TIGAR: variants seen among roughly 807,000 people sequenced by gnomAD.
TIGAR encodes the protein fructose-2,6-bisphosphatase TIGAR.
TIGAR carries 7 observed loss-of-function variants against 17.9 expected under a neutral mutation model. That is an observed-to-expected ratio of 0.39 (90% CI 0.22 to 0.73). The LOEUF is 0.73. Ranked by LOEUF, TIGAR falls within the 30% of genes least tolerant of loss-of-function variation. The pLI is 0.42. For synonymous variants in TIGAR, 94 were observed against 108.6 expected (o/e 0.87, Z 0.84); for missense variants, 258 against 327.4 (o/e 0.79, Z 1.64).
chr12:4,351,150 A>G, intron 4 of TIGAR, 117 bp from the exon 5 acceptor site: 1 of 837,884 alleles, frequency 1.2e-6, no homozygotes, highest in Non-Finnish European at 1.9e-6. Flanking sequence ...AGAATCAATT[A>G]AGTGGAGGAG....
intron 4 of TIGAR, among the ~76,000 whole-genome samples, chr12:4,350,810 C>A (rs545285017): frequency 2.0e-5 from 3 of 151,578 alleles, no homozygotes; most frequent in African/African-American, 7.3e-5. Context: ...AGAAATAGAT[C>A]TCTCATGTTA....
chr12:4,346,697 A>G (rs779796730), intron 3 of TIGAR, among the ~76,000 whole-genome samples: 8 of 152,166 alleles, frequency 5.3e-5, no homozygotes, highest in Admixed American at 2.0e-4. Flanking sequence ...TGGCACATGT[A>G]TACATATGTA....
chr12:4,354,855 C>T lies in TIGAR; in HGVS notation c.*2164C>T, dbSNP rs1231962734. ...CAAGCAATTCTTGTGCCTCAGCCTC[C>T]TGAGTAGCTGGGACTACAGGCATGC... On this transcript the variant is annotated 3_prime_UTR_variant, in exon 6 of 6. Coordinates refer to ENST00000179259, the MANE Select transcript of TIGAR (RefSeq NM_020375.3). Among the ~76,000 whole-genome samples the T allele has an allele frequency of 6.7e-6, 1 of 150,340 alleles. No homozygotes were observed. The highest frequency in any genetic ancestry group is 2.5e-5 in the African/African-American group (1 of 40,780).
chr12:4,332,358 C>T (rs1864613410), intron 2 of TIGAR, among the ~76,000 whole-genome samples: 1 of 147,120 alleles, frequency 6.8e-6, no homozygotes, highest in Non-Finnish European at 1.5e-5. Context: ...TTTCTCATGT[C>T]TCAGCCTCCT....
chr12:4,343,584 G>C (rs535928560), intron 3 of TIGAR, among the ~76,000 whole-genome samples: 2 of 150,990 alleles, frequency 1.3e-5, no homozygotes, highest in African/African-American at 4.8e-5. Flanking sequence ...GAAACTCAAA[G>C]CCACTCAACT....
intron 1 of TIGAR, among the ~76,000 whole-genome samples, chr12:4,326,288 A>T (rs1383293431): frequency 2.6e-5 from 4 of 152,220 alleles, no homozygotes. Context: ...TGCTGCTATC[A>T]CAAGTCAGAC....
intron 3 of TIGAR, among the ~76,000 whole-genome samples, chr12:4,342,595 GA>G (rs1281627090): frequency 1.3e-5 from 2 of 152,160 alleles, no homozygotes; most frequent in Non-Finnish European, 2.9e-5. Flanking sequence ...CATTCTCAAA[GA>G]AAAGAATTTT....
intron 2 of TIGAR, among the ~76,000 whole-genome samples, chr12:4,336,038 C>T (rs1246049287): frequency 2.0e-5 from 3 of 152,168 alleles, no homozygotes; most frequent in Non-Finnish European, 4.4e-5. Flanking sequence ...TCCCTATTTG[C>T]TGATTTCAAT....
chr12:4,329,682 T>G (rs549505475), intron 1 of TIGAR, among the ~76,000 whole-genome samples: 3 of 152,132 alleles, frequency 2.0e-5, no homozygotes, highest in African/African-American at 7.2e-5. Flanking sequence ...TTCCCAGTAA[T>G]TGGGTTATTG....
At position 4,321,393 on chromosome 12, in the gene TIGAR, C is replaced by G. The variant is rs770463879; in HGVS notation, c.32+90C>G. On this transcript the variant is annotated intron_variant, in intron 1 of 5. Coordinates refer to ENST00000179259, the MANE Select transcript of TIGAR (RefSeq NM_020375.3). The surrounding 1 kb of genome is among the most constrained non-coding windows in gnomAD (Gnocchi z 5.2). ...GGGAAAACGGGTCCACCACCCTCTC[C>G]CCTCCCTGCTCGCTCCAGCCCGGGA... 13 of 1,561,592 alleles carry G rather than the reference C, an allele frequency of 8.3e-6. No individual in the cohort carries two copies. The East Asian group carries it at 3.0e-4, about 36-fold the overall frequency.
At chr12:4,334,651 A>C (rs991981299) in intron 2 of TIGAR, among the ~76,000 whole-genome samples, 1 of 152,198 alleles carries the variant, frequency 6.6e-6, no homozygotes, top group Non-Finnish European at 1.5e-5. Flanking sequence ...TCTGCTCCTC[A>C]TTTGTTTTCG....
chr12:4,338,098 G>T (rs1270354973), intron 3 of TIGAR, among the ~76,000 whole-genome samples: 1 of 151,950 alleles, frequency 6.6e-6, no homozygotes, highest in Non-Finnish European at 1.5e-5. Flanking sequence ...CCGTTGCATG[G>T]TTGGGCTACA....
At chr12:4,342,058 A>C (rs1367695906) in intron 3 of TIGAR, among the ~76,000 whole-genome samples, 1 of 152,234 alleles carries the variant, frequency 6.6e-6, no homozygotes, top group Non-Finnish European at 1.5e-5. Context: ...GATGGAGCTG[A>C]AAACCATGGC....
In TIGAR at chr12:4,343,750, A is replaced by G. The variant is rs569914307; in HGVS notation, c.193-6069A>G. The stretch of plus-strand genomic sequence containing the variant: ...AAGCAGTGTGTAGAGGGAAATTTAT[A>G]GCACTAAATGCTCACAGGAGAAAGC... On this transcript the variant is annotated intron_variant, in intron 3 of 5. Coordinates refer to ENST00000179259, the MANE Select transcript of TIGAR (RefSeq NM_020375.3). Among the ~76,000 whole-genome samples the G allele has an allele frequency of 1.9e-3, 287 of 152,350 alleles. 2 individuals are homozygous for G. The highest frequency in any genetic ancestry group is 6.5e-3 in the African/African-American group (270 of 41,582).
At chr12:4,324,730 TCCCG>T (rs1565445006) in intron 1 of TIGAR, 16 of 1,740 alleles carry the variant, frequency 9.2e-3, no homozygotes, top group South Asian at 0.045. Context: ...GCAGGACACG[TCCCG>T]TCCCGCAGCT....
At chr12:4,336,913 G>T in intron 2 of TIGAR, 126 bp from the exon 3 acceptor site, 1 of 1,122,542 alleles carries the variant, frequency 8.9e-7, no homozygotes, top group Non-Finnish European at 1.2e-6. Context: ...AAAGTTACGT[G>T]GAAGAGTACT....
At position 4,358,603 on chromosome 12, in the gene TIGAR, A is replaced by G. The variant is rs1019818653; in HGVS notation, c.*5912A>G. Among the ~76,000 whole-genome samples, 1 of 151,208 alleles carries G rather than the reference A, an allele frequency of 6.6e-6. No homozygotes were observed. Among genetic ancestry groups the G allele is most frequent in the African/African-American group, 2.5e-5 (1 of 40,730 alleles). ...CAATGTGTGTTTCCTGAGATCAACA[A>G]TGTTCTTATATATAACCCAGAATAA... is the stretch of plus-strand genomic sequence containing the variant. On this transcript the variant is annotated 3_prime_UTR_variant, in exon 6 of 6. Coordinates refer to ENST00000179259, the MANE Select transcript of TIGAR (RefSeq NM_020375.3).
rs146343780 is a variant in TIGAR, at chr12:4,344,987, A to G, written c.193-4832A>G. ...TACACCAATAACAAACAGCCAAATC[A>G]TGAGTGAACTCCCATTCACAATTGC... On this transcript the variant is annotated intron_variant, in intron 3 of 5. Transcript: ENST00000179259. Among the ~76,000 whole-genome samples the G allele has an allele frequency of 3.8e-3, 580 of 152,320 alleles. 4 individuals are homozygous for G. The highest frequency in any genetic ancestry group is 0.013 in the African/African-American group (560 of 41,572).
Position 4,321,275 on chromosome 12 carries a change from G to T in TIGAR, c.4G>T (p.Ala2Ser), listed in dbSNP as rs921746520. 1.2e-6 allele frequency: 2 copies of T among 1,601,118 alleles called. No homozygotes were observed. The highest frequency in any genetic ancestry group is 1.3e-5 in the African/African-American group (1 of 75,056). Reference protein sequence around the residue: MARFALTVVRHG... With the variant: MSRFALTVVRHG... Reference sequence around the variant, plus strand: ...GACGGGACGCGGCTCCGGGAACATGGCTCGCTTCGCTCTGACTGTTGTCCG... The same window carrying T: ...GACGGGACGCGGCTCCGGGAACATGTCTCGCTTCGCTCTGACTGTTGTCCG... Residue 2 changes from alanine to serine, a missense_variant, in exon 1 of 6, where the codon GCT (alanine) becomes TCT (serine). By Grantham distance (99) the Ala-to-Ser change is moderately conservative. Transcript: ENST00000179259. This position sits in a 1 kb window ranked among gnomAD's most constrained non-coding sequence, Gnocchi z 5.2.
Sources: allele counts gnomAD v4.1 joint callset (sites outside exome capture counted in the v4.1 genomes callset), GRCh38; gene constraint gnomAD v4.1.1; non-coding constraint Gnocchi (gnomAD v3.1); transcripts MANE v1.5; gene names NCBI Gene and HGNC (gene_info 2026-07-23, HGNC 2026-07-21).